Variants in ZFP82 observed in about 807,000 individuals in gnomAD.
ZFP82 encodes ZFP82 zinc finger protein.
In ZFP82, 30 loss-of-function variants were observed where a neutral mutation model predicts 54.0. The ratio of observed to expected loss-of-function variants is 0.56; its 90% CI spans 0.42 to 0.75. The LOEUF is 0.75. ZFP82 is among the 30% of genes least tolerant of loss of function. ZFP82 has a pLI of 0.00. For synonymous variants in ZFP82, 194 were observed against 209.5 expected (o/e 0.93, Z 0.64); for missense variants, 500 against 636.8 (o/e 0.79, Z 2.31).
chr19:36,388,044 A>G (rs1364764972), downstream of ZFP82, among the ~76,000 whole-genome samples: 1 of 152,228 alleles, frequency 6.6e-6, no homozygotes, highest in African/African-American at 2.4e-5. Context: ...GAGAATAGAA[A>G]CCATCTAAAA....
intron 1 of ZFP82, among the ~76,000 whole-genome samples, chr19:36,410,433 A>ATGTG (rs141959407): frequency 0.08 from 11,889 of 147,976 alleles, 531 homozygotes; most frequent in East Asian, 0.2. Flanking sequence ...TTATATATGT[A>ATGTG]TGTGTGTGTG....
intron 4 of ZFP82, 127 bp downstream of exon 4, chr19:36,405,453 C>T (rs1414346103): frequency 3.4e-6 from 2 of 586,816 alleles, no homozygotes; most frequent in Non-Finnish European, 5.7e-6. Flanking sequence ...CCTTGGGCCA[C>T]AGACCTTTCC....
chr19:36,402,950 A>G (rs2032413722), intron 4 of ZFP82, among the ~76,000 whole-genome samples: 1 of 151,908 alleles, frequency 6.6e-6, no homozygotes, highest in South Asian at 2.1e-4. Flanking sequence ...CATCCTGGCT[A>G]ACACGGTGAA....
chr19:36,386,311 T>C (rs2032114621), downstream of ZFP82, among the ~76,000 whole-genome samples: 1 of 152,246 alleles, frequency 6.6e-6, no homozygotes, highest in African/African-American at 2.4e-5. Flanking sequence ...GGTGCTAATT[T>C]GGCAGGAGTG....
chr19:36,409,656 A>G (rs1312839143), intron 2 of ZFP82, 125 bp downstream of exon 2: 4 of 962,884 alleles, frequency 4.2e-6, no homozygotes, highest in Admixed American at 3.8e-5. Context: ...TTCACCCGCC[A>G]CTGGATTTGG....
intron 1 of ZFP82, among the ~76,000 whole-genome samples, chr19:36,414,380 T>G (rs887629619): frequency 2.6e-5 from 4 of 151,232 alleles, no homozygotes; most frequent in Non-Finnish European, 5.9e-5. Context: ...TTTTTTTTTT[T>G]TTGAGACACA....
downstream of ZFP82, among the ~76,000 whole-genome samples, chr19:36,387,561 C>T (rs370103952): frequency 6.6e-6 from 1 of 152,246 alleles, no homozygotes; most frequent in African/African-American, 2.4e-5. Context: ...GTTGGAATTC[C>T]TACCCTTCAG....
At chr19:36,385,673 A>C (rs761918964), downstream of ZFP82, among the ~76,000 whole-genome samples, 26 of 152,322 alleles carry the variant, frequency 1.7e-4, no homozygotes, top group Non-Finnish European at 3.2e-4. Flanking sequence ...GGCAAAGGCA[A>C]TTCTGGTGAG....
At chr19:36,387,292 T>A (rs765497092), downstream of ZFP82, among the ~76,000 whole-genome samples, 2 of 152,070 alleles carry the variant, frequency 1.3e-5, no homozygotes, top group African/African-American at 2.4e-5. Flanking sequence ...TTTGAATGTG[T>A]CCCCCAATGC....
chr19:36,398,537 C>CA (rs145968955), intron 4 of ZFP82, among the ~76,000 whole-genome samples: 141 of 131,592 alleles, frequency 1.1e-3, no homozygotes, highest in Non-Finnish European at 1.7e-3. Flanking sequence ...AACTCCATCT[C>CA]AAAAAAAAAA....
In ZFP82 at chr19:36,399,632, C is replaced by A. The variant is rs187204098; in HGVS notation, c.230-5522G>T. ...AATTTAGGTGTGTTTCACTTTTTTC[C>A]TGAAAGTATCTAATTTAATTTAATA... On this transcript the variant is annotated intron_variant, in intron 4 of 4. Transcript: ENST00000392161. Among the ~76,000 whole-genome samples the A allele has an allele frequency of 3.3e-3, 495 of 152,192 alleles. 4 individuals are homozygous for A. Among genetic ancestry groups the A allele is most frequent in the Non-Finnish European group, 4.6e-3 (314 of 68,018 alleles).
At chr19:36,386,836 T>C (rs967837397), downstream of ZFP82, among the ~76,000 whole-genome samples, 10 of 152,178 alleles carry the variant, frequency 6.6e-5, no homozygotes, top group African/African-American at 2.4e-4. Context: ...CTCGGGAGGC[T>C]GAGGCAGGAG....
intron 4 of ZFP82, among the ~76,000 whole-genome samples, chr19:36,404,091 G>A (rs915458447): frequency 1.3e-5 from 2 of 151,962 alleles, no homozygotes; most frequent in Non-Finnish European, 2.9e-5. Context: ...GGTAAATTTC[G>A]TGGGGATGGA....
At chr19:36,417,117 T>TATTTAA (rs975402053) in intron 1 of ZFP82, among the ~76,000 whole-genome samples, 4 of 149,268 alleles carry the variant, frequency 2.7e-5, no homozygotes, top group African/African-American at 9.8e-5. Flanking sequence ...TGTTTTAGAC[T>TATTTAA]ATTTAAGCAT....
chr19:36,385,941 A>C (rs8111845), downstream of ZFP82, among the ~76,000 whole-genome samples: 51,684 of 152,140 alleles, frequency 0.34, 9,050 homozygotes, highest in South Asian at 0.43. Flanking sequence ...AATTAAAAGG[A>C]AGGCAGAACA....
At chr19:36,383,971 G>A (rs2032088237), downstream of ZFP82, 1 of 152,116 alleles carries the variant, frequency 6.6e-6, no homozygotes, top group South Asian at 2.1e-4. Context: ...ATATTACTAT[G>A]CATACCAGAA....
At chr19:36,411,092 C>G (rs572720518) in intron 1 of ZFP82, among the ~76,000 whole-genome samples, 213 of 142,076 alleles carry the variant, frequency 1.5e-3, no homozygotes, top group African/African-American at 5.2e-3. Flanking sequence ...ACTGGGGAGG[C>G]TGAGGGAGGA....
Position 36,392,765 on chromosome 19 carries a change from C to T in ZFP82, c.1575G>A (p.Leu525=). Residue 525 remains leucine, a synonymous_variant, in exon 5 of 5, where the codon CTG becomes CTA. Transcript: ENST00000392161. The stretch of plus-strand genomic sequence containing the variant: ...CTTAGATTTTTACATTATGAATTTT[C>T]AGATGATGAGTAAGGTGTGAATGTT... The part of the protein sequence containing the change: ...FRQHSHLTHH[L]KIHNVKI 3.2e-6 allele frequency: 5 copies of T among 1,565,524 alleles called. No homozygotes were observed. The highest frequency in any genetic ancestry group is 4.3e-6 in the Non-Finnish European group (5 of 1,161,222).
At chr19:36,403,168 A>C (rs146109574) in intron 4 of ZFP82, among the ~76,000 whole-genome samples, 318 of 151,136 alleles carry the variant, frequency 2.1e-3, no homozygotes, top group African/African-American at 6.9e-3. Flanking sequence ...ACAACAACAA[A>C]AAAAATTATC....
Sources: gnomAD v4.1 joint callset for allele counts (sites outside exome capture counted in the v4.1 genomes callset) on GRCh38, gnomAD v4.1.1 for gene constraint, MANE v1.5 for transcripts, NCBI Gene and HGNC (gene_info 2026-07-23, HGNC 2026-07-21) for gene names.